SPATA1: variants seen among roughly 807,000 people sequenced by gnomAD.
SPATA1 encodes spermatogenesis-associated protein 1.
SPATA1 carries 57 observed loss-of-function variants against 59.6 expected under a neutral mutation model. That is an observed-to-expected ratio of 0.96 (90% CI 0.77 to 1.19). The LOEUF (loss-of-function observed/expected upper bound fraction) is 1.19, where lower values mean the gene tolerates loss of function less well. Among genes scored for constraint, SPATA1 ranks in the 50% most tolerant of loss-of-function variants. The pLI is 0.00. For missense variants in SPATA1, 448 were observed against 480.7 expected, an observed-to-expected ratio of 0.93 and a Z score of 0.64; for synonymous variants, 147 against 163.9, an observed-to-expected ratio of 0.90 and a Z score of 0.79.
At chr1:84,553,708 A>G (rs1684343714) in exon 13 of SPATA1, 1 of 152,202 alleles carries the variant, frequency 6.6e-6, no homozygotes, top group Admixed American at 6.5e-5. Context: ...GTCACAAACA[A>G]TTGTGTAAAT....
intron 8 of SPATA1, among the ~76,000 whole-genome samples, chr1:84,535,272 C>T (rs1317648910): frequency 2.0e-5 from 3 of 151,912 alleles, no homozygotes; most frequent in African/African-American, 4.8e-5. Context: ...TATCAGATAG[C>T]GTAAGATTTC....
intron 4 of SPATA1, chr1:84,563,466 C>A: frequency 7.5e-7 from 1 of 1,333,630 alleles, no homozygotes; most frequent in Non-Finnish European, 9.8e-7. Flanking sequence ...TTATGCAATT[C>A]TTAAAAGCCA....
chr1:84,567,273 A>G (rs1315068892), downstream of SPATA1, among the ~76,000 whole-genome samples: 2 of 152,240 alleles, frequency 1.3e-5, no homozygotes, highest in African/African-American at 4.8e-5. Context: ...AAATAAAATT[A>G]TTACATATTT....
rs762674036 is a variant in SPATA1, at chr1:84,520,608, T to G, written c.60T>G (p.Tyr20Ter). The change falls in exon 3 of 13, where the codon TAT becomes TAG. Residue 20 changes from tyrosine to a stop codon, truncating the protein, a stop_gained. Coordinates refer to ENST00000490879, the Ensembl canonical transcript of SPATA1. LOFTEE classifies it high-confidence loss of function. Reference sequence around the variant, plus strand: ...AGTTGGTGGAACTTCATGTTTTTTATGTCCCTGAAGGATCATGGAACTATA... The same window carrying G: ...AGTTGGTGGAACTTCATGTTTTTTAGGTCCCTGAAGGATCATGGAACTATA... 2 of 1,560,754 alleles carry G rather than the reference T, an allele frequency of 1.3e-6. No individual in the cohort carries two copies. The highest frequency in any genetic ancestry group is 2.5e-5 in the South Asian group (2 of 80,920).
chr1:84,563,723 G>A, intron 4 of SPATA1: 2 of 1,476,972 alleles, frequency 1.4e-6, no homozygotes, highest in South Asian at 1.3e-5. Flanking sequence ...TGTAACAAAT[G>A]ACTGTTCCTA....
chr1:84,560,133 GGAAA>G (rs1369277237), intron 4 of SPATA1, among the ~76,000 whole-genome samples: 106 of 136,878 alleles, frequency 7.7e-4, no homozygotes, highest in African/African-American at 2.5e-3. Context: ...AAGAAAGAAA[GGAAA>G]GAAAGAAAGA....
At chr1:84,550,615 A>C (rs1684241281) in intron 12 of SPATA1, 85 bp downstream of exon 12, 4 of 1,366,134 alleles carry the variant, frequency 2.9e-6, no homozygotes, top group Middle Eastern at 5.5e-4. Flanking sequence ...GGTGTCAATA[A>C]TATAAGGGTA....
At chr1:84,562,523 T>A (rs1439576701) in intron 4 of SPATA1, among the ~76,000 whole-genome samples, 1 of 152,204 alleles carries the variant, frequency 6.6e-6, no homozygotes, top group African/African-American at 2.4e-5. Flanking sequence ...TTCACTTATA[T>A]CATTTTAGTA....
chr1:84,511,667 T>TTC (rs1558566175), intron 1 of SPATA1, among the ~76,000 whole-genome samples: 4 of 119,454 alleles, frequency 3.3e-5, no homozygotes, highest in African/African-American at 1.7e-4. Context: ...TTTTTTTTTT[T>TTC]TTTCTTTCTT....
chr1:84,562,327 T>G (rs1346712292), intron 4 of SPATA1, among the ~76,000 whole-genome samples: 1 of 152,192 alleles, frequency 6.6e-6, no homozygotes, highest in Non-Finnish European at 1.5e-5. Context: ...AAGATTACAA[T>G]ACACTCTAGT....
chr1:84,541,133 A>G (rs181941552), intron 8 of SPATA1, among the ~76,000 whole-genome samples: 1 of 152,338 alleles, frequency 6.6e-6, no homozygotes, highest in Non-Finnish European at 1.5e-5. Flanking sequence ...TTTGCCTGGA[A>G]GGTCAGAGAA....
At chr1:84,555,291 T>C, downstream of SPATA1, 1 of 977,984 alleles carries the variant, frequency 1.0e-6, no homozygotes. Context: ...TACAGTACAG[T>C]AAGAGGGAAA....
intron 6 of SPATA1, among the ~76,000 whole-genome samples, chr1:84,526,733 T>G (rs1459954682): frequency 6.6e-6 from 1 of 151,790 alleles, no homozygotes; most frequent in Non-Finnish European, 1.5e-5. Flanking sequence ...CCAGGTCTGG[T>G]GGCACATGCC....
At chr1:84,534,103 C>T (rs1342188553) in intron 8 of SPATA1, among the ~76,000 whole-genome samples, 1 of 151,956 alleles carries the variant, frequency 6.6e-6, no homozygotes, top group Non-Finnish European at 1.5e-5. Context: ...TAACTTGTCT[C>T]TTTAGAACAG....
intron 7 of SPATA1, 65 bp from the exon 8 acceptor site, chr1:84,533,644 A>C: frequency 1.6e-6 from 2 of 1,259,368 alleles, no homozygotes; most frequent in Non-Finnish European, 2.2e-6. Flanking sequence ...AATACATAAA[A>C]TATGAAAAGC....
intron 12 of SPATA1, 45 bp downstream of exon 12, chr1:84,550,575 G>C: frequency 6.9e-7 from 1 of 1,444,978 alleles, no homozygotes; most frequent in South Asian, 1.5e-5. Context: ...CATTTATCTT[G>C]AAATAAAATA....
intron 6 of SPATA1, among the ~76,000 whole-genome samples, chr1:84,528,287 A>G (rs541887421): frequency 6.6e-6 from 1 of 152,272 alleles, no homozygotes; most frequent in Admixed American, 6.5e-5. Flanking sequence ...TTCTTGATAA[A>G]CTGACCCCTA....
chr1:84,540,021 T>C (rs1182466048), intron 8 of SPATA1, among the ~76,000 whole-genome samples: 1 of 152,206 alleles, frequency 6.6e-6, no homozygotes, highest in Non-Finnish European at 1.5e-5. Context: ...TTACTGCATG[T>C]CAAAATACTC....
intron 10 of SPATA1, among the ~76,000 whole-genome samples, chr1:84,547,350 T>C (rs1684124561): frequency 6.6e-6 from 1 of 152,170 alleles, no homozygotes; most frequent in Non-Finnish European, 1.5e-5. Context: ...TATTTCAAGA[T>C]AAAAGGTATG....
Sources: allele counts gnomAD v4.1 joint callset (sites outside exome capture counted in the v4.1 genomes callset), GRCh38; gene constraint gnomAD v4.1.1; transcripts MANE v1.5; gene names NCBI Gene and HGNC (gene_info 2026-07-23, HGNC 2026-07-21).